The following LUZP2 variants were observed in gnomAD, a reference collection of about 807,000 sequenced individuals.
The protein encoded by LUZP2 is leucine zipper protein 2.
LUZP2 carries 52 observed loss-of-function variants against 51.6 expected under a neutral mutation model. The ratio of observed to expected loss-of-function variants is 1.01; its 90% CI spans 0.81 to 1.27. The LOEUF is 1.27. LUZP2 is among the 50% of genes most tolerant of loss of function. The pLI is 0.00. For synonymous variants in LUZP2, 154 were observed against 137.3 expected (o/e 1.12, Z -0.85); for missense variants, 436 against 395.4 (o/e 1.10, Z -0.87).
intron 10 of LUZP2, among the ~76,000 whole-genome samples, chr11:25,061,663 G>A (rs1227319976): frequency 6.6e-6 from 1 of 152,044 alleles, no homozygotes; most frequent in African/African-American, 2.4e-5. Flanking sequence ...TGGAAGACTT[G>A]TACTACTCTT....
At chr11:24,509,436 A>G (rs1006927194) in intron 1 of LUZP2, among the ~76,000 whole-genome samples, 1 of 149,870 alleles carries the variant, frequency 6.7e-6, no homozygotes, top group Non-Finnish European at 1.5e-5. Flanking sequence ...GATGATATAT[A>G]TAGTATACAT....
chr11:24,587,310 A>T (rs962535887), intron 1 of LUZP2, among the ~76,000 whole-genome samples: 1 of 152,132 alleles, frequency 6.6e-6, no homozygotes, highest in African/African-American at 2.4e-5. Context: ...TACAAAGGAG[A>T]ATACAGTGAT....
intron 1 of LUZP2, among the ~76,000 whole-genome samples, chr11:24,507,448 A>T (rs1850177135): frequency 6.6e-6 from 1 of 152,072 alleles, no homozygotes; most frequent in African/African-American, 2.4e-5. Context: ...TGCTTTTATC[A>T]GTCAATTTAA....
rs56939257 is a variant in LUZP2 at position 25,047,397 on chromosome 11, A to ATT, written c.766-2632_766-2631dup. Among the ~76,000 whole-genome samples the ATT allele has an allele frequency of 4.0e-4, 44 of 111,048 alleles. 1 individual carries two copies. The highest frequency in any genetic ancestry group is 2.4e-3 in the East Asian group (11 of 4,654). 72.9% of individuals were successfully genotyped at this position (111,048 alleles called of 152,430 possible). A position where few individuals can be genotyped will look rare whatever the true frequency, so the allele number is the denominator to read the frequency against. ...TTTTTATTTTTTTTAATTTTTTTTA[A>ATT]TTTTTTTTTTATTATACTCTAAGAA... is the stretch of plus-strand genomic sequence containing the variant. On this transcript the variant is annotated intron_variant, in intron 9 of 11. Transcript: ENST00000336930.
intron 1 of LUZP2, among the ~76,000 whole-genome samples, chr11:24,572,741 G>A (rs534930694): frequency 6.6e-6 from 1 of 152,106 alleles, no homozygotes; most frequent in South Asian, 2.1e-4. Context: ...TCGTAATTTA[G>A]ACTGGGTAGT....
intron 5 of LUZP2, among the ~76,000 whole-genome samples, chr11:24,894,113 T>G (rs923422114): frequency 6.6e-6 from 1 of 152,078 alleles, no homozygotes; most frequent in African/African-American, 2.4e-5. Flanking sequence ...TGAATATCTA[T>G]GAGTGAATAG....
At chr11:24,680,558 G>C (rs762145122) in intron 1 of LUZP2, among the ~76,000 whole-genome samples, 1 of 152,158 alleles carries the variant, frequency 6.6e-6, no homozygotes, top group African/African-American at 2.4e-5. Flanking sequence ...ATGAGAGAAA[G>C]ATCTTCAGTT....
intron 1 of LUZP2, among the ~76,000 whole-genome samples, chr11:24,507,071 TATAAATACA>T (rs1352554103): frequency 1.3e-5 from 2 of 152,072 alleles, no homozygotes; most frequent in Non-Finnish European, 2.9e-5. Context: ...AAGCCTTTAT[TATAAATACA>T]AAAGTTTGCC....
At chr11:24,758,321 T>A (rs11028147) in intron 4 of LUZP2, among the ~76,000 whole-genome samples, 17,450 of 146,208 alleles carry the variant, frequency 0.12, 1,296 homozygotes, top group East Asian at 0.42. Flanking sequence ...TGGGAATGAC[T>A]TGCGTGTGTG....
At chr11:25,004,173 G>A in intron 9 of LUZP2, among the ~76,000 whole-genome samples, 1 of 152,298 alleles carries the variant, frequency 6.6e-6, no homozygotes, top group Non-Finnish European at 1.5e-5. Context: ...GTTGGGGGCT[G>A]CTGACCCAGA....
At chr11:24,714,517 A>G (rs1312559674) in intron 1 of LUZP2, among the ~76,000 whole-genome samples, 1 of 152,094 alleles carries the variant, frequency 6.6e-6, no homozygotes, top group Non-Finnish European at 1.5e-5. Flanking sequence ...TATTCTGCCC[A>G]TAATTAGAAA....
At chr11:24,969,850 G>A (rs1030366440) in intron 7 of LUZP2, among the ~76,000 whole-genome samples, 2 of 152,080 alleles carry the variant, frequency 1.3e-5, no homozygotes, top group African/African-American at 4.8e-5. Context: ...ATTTTAGGAG[G>A]CCAGTCCATC....
chr11:24,607,120 T>C (rs774114809), intron 1 of LUZP2, among the ~76,000 whole-genome samples: 9 of 151,930 alleles, frequency 5.9e-5, no homozygotes, highest in Admixed American at 1.3e-4. Flanking sequence ...TCCTTTACTG[T>C]ACAGAAACAT....
At chr11:24,909,957 G>T (rs1297684102) in intron 6 of LUZP2, among the ~76,000 whole-genome samples, 4 of 152,146 alleles carry the variant, frequency 2.6e-5, no homozygotes, top group African/African-American at 9.7e-5. Context: ...ACTTCCTAGA[G>T]ACTTCACAAA....
intron 5 of LUZP2, among the ~76,000 whole-genome samples, chr11:24,843,605 G>A (rs1851102216): frequency 6.6e-6 from 1 of 152,106 alleles, no homozygotes; most frequent in Non-Finnish European, 1.5e-5. Context: ...AAAACAAGAT[G>A]AAGAATAATA....
chr11:24,717,186 A>T (rs966221393), intron 1 of LUZP2, among the ~76,000 whole-genome samples: 8 of 152,118 alleles, frequency 5.3e-5, no homozygotes, highest in Non-Finnish European at 5.9e-5. Context: ...TGATGTAACC[A>T]TTCAAGCAAA....
chr11:24,592,006 C>T (rs1033427790), intron 1 of LUZP2, among the ~76,000 whole-genome samples: 1 of 152,062 alleles, frequency 6.6e-6, no homozygotes, highest in Admixed American at 6.6e-5. Flanking sequence ...ATATTTTGTG[C>T]AGATTAACAA....
intron 1 of LUZP2, among the ~76,000 whole-genome samples, chr11:24,721,559 T>C (rs1331768239): frequency 6.6e-6 from 1 of 152,178 alleles, no homozygotes; most frequent in African/African-American, 2.4e-5. Flanking sequence ...ATTGTGTATA[T>C]AGAAAATTCA....
chr11:24,978,574 A>T (rs1243992028), intron 8 of LUZP2, among the ~76,000 whole-genome samples: 7 of 151,774 alleles, frequency 4.6e-5, no homozygotes, highest in Non-Finnish European at 1.0e-4. Flanking sequence ...ATGACTAAAT[A>T]GCTTTGAAAT....
Sources: gnomAD v4.1 joint callset for allele counts (sites outside exome capture counted in the v4.1 genomes callset) on GRCh38, gnomAD v4.1.1 for gene constraint, MANE v1.5 for transcripts, NCBI Gene and HGNC (gene_info 2026-07-23, HGNC 2026-07-21) for gene names.